TAOK1: variants seen among roughly 807,000 people sequenced by gnomAD.
TAOK1 encodes TAO kinase 1.
TAOK1 carries 21 observed loss-of-function variants against 138.3 expected under a neutral mutation model. The observed-to-expected ratio is 0.15, with a 90% CI of 0.11 to 0.22. TAOK1 has a LOEUF of 0.22. TAOK1 is among the 10% of genes least tolerant of loss of function. The probability of loss-of-function intolerance (pLI) is 1.00; values close to 1 mark genes in which losing one functional copy is unlikely to be tolerated. For missense variants in TAOK1, 651 were observed against 1,227.7 expected (o/e 0.53, Z 7.02); for synonymous variants, 361 against 398.4 (o/e 0.91, Z 1.12).
intron 1 of TAOK1, among the ~76,000 whole-genome samples, chr17:29,434,194 C>A (rs1244663542): frequency 6.6e-6 from 1 of 152,144 alleles, no homozygotes; most frequent in Non-Finnish European, 1.5e-5. Flanking sequence ...GGGTTCCCTT[C>A]CTCTGAGCCC....
chr17:29,406,104 G>C (rs1240983518), intron 1 of TAOK1, among the ~76,000 whole-genome samples: 1 of 152,046 alleles, frequency 6.6e-6, no homozygotes, highest in Non-Finnish European at 1.5e-5. Flanking sequence ...TGACATTTTG[G>C]GTAGGATAAT....
chr17:29,488,802 G>A (rs1224760537), intron 8 of TAOK1, among the ~76,000 whole-genome samples: 2 of 151,842 alleles, frequency 1.3e-5, no homozygotes, highest in Admixed American at 6.6e-5. Context: ...CACAAAATAA[G>A]CAGAAGGTAG....
chr17:29,536,426 C>T (rs1450949116), intron 19 of TAOK1, among the ~76,000 whole-genome samples: 6 of 151,804 alleles, frequency 4.0e-5, no homozygotes, highest in Non-Finnish European at 2.9e-5. Flanking sequence ...GGTGAAACCC[C>T]GTCTCTACTA....
Position 29,390,991 on chromosome 17 carries a change from C to A in TAOK1, c.-128C>A, listed in dbSNP as rs1904404994. The A allele has an allele frequency of 6.6e-6, 1 of 152,390 alleles. No homozygotes were observed. 9.4% of individuals were successfully genotyped at this position (152,390 alleles called of 1,614,324 possible). A position where few individuals can be genotyped will look rare whatever the true frequency, so the allele number is the denominator to read the frequency against. On this transcript the variant is annotated 5_prime_UTR_variant, in exon 1 of 20. The change creates a new upstream start codon in the 5' untranslated region. Coordinates refer to ENST00000261716, the MANE Select transcript of TAOK1 (RefSeq NM_020791.4). ...ACCGGAGCGCTGCAGGGGGCTGCGC[C>A]TGCCTGCTCCGCCCCAGACCTGTCG...
intron 1 of TAOK1, among the ~76,000 whole-genome samples, chr17:29,406,694 CCAA>C (rs139630331): frequency 2.6e-3 from 401 of 152,102 alleles, no homozygotes; most frequent in Middle Eastern, 0.01. Flanking sequence ...ACCCACCCCC[CCAA>C]CTAAGCAGCT....
chr17:29,540,525 C>T (rs1222126219), intron 19 of TAOK1, among the ~76,000 whole-genome samples: 3 of 151,866 alleles, frequency 2.0e-5, no homozygotes, highest in South Asian at 2.1e-4. Context: ...CCACCACTCC[C>T]GGCTAATTTT....
At chr17:29,525,222 C>T (rs1182080200) in intron 17 of TAOK1, among the ~76,000 whole-genome samples, 1 of 152,126 alleles carries the variant, frequency 6.6e-6, no homozygotes, top group African/African-American at 2.4e-5. Context: ...AAGCAATGCT[C>T]CCGCCTCAGC....
intron 2 of TAOK1, among the ~76,000 whole-genome samples, chr17:29,455,293 G>A (rs1034111641): frequency 1.3e-5 from 2 of 150,558 alleles, no homozygotes; most frequent in Non-Finnish European, 2.9e-5. Flanking sequence ...CATTGCTGAT[G>A]TATAGAAACA....
intron 1 of TAOK1, among the ~76,000 whole-genome samples, chr17:29,413,769 C>G (rs1444095689): frequency 2.6e-5 from 4 of 152,128 alleles, no homozygotes; most frequent in African/African-American, 9.7e-5. Context: ...TTCCTCTCTT[C>G]CGTCTCTGAT....
At chr17:29,406,747 T>C (rs1247687334) in intron 1 of TAOK1, among the ~76,000 whole-genome samples, 1 of 152,098 alleles carries the variant, frequency 6.6e-6, no homozygotes, top group Non-Finnish European at 1.5e-5. Context: ...CAGCTAATTT[T>C]TGTAGTGACA....
chr17:29,417,801 G>A (rs1905305319), intron 1 of TAOK1, among the ~76,000 whole-genome samples: 2 of 152,118 alleles, frequency 1.3e-5, no homozygotes, highest in South Asian at 2.1e-4. Flanking sequence ...ACCCAGTTAC[G>A]GCTTTTAAAA....
In TAOK1 at chr17:29,480,364, C is replaced by T. The variant is rs1438048937; in HGVS notation, c.450-4C>T. The T allele has an allele frequency of 1.2e-6, 2 of 1,607,798 alleles. No homozygotes were observed. The highest frequency in any genetic ancestry group is 3.4e-5 in the Admixed American group (2 of 59,674). On this transcript the variant is annotated splice_polypyrimidine_tract_variant and splice_region_variant and intron_variant, in intron 6 of 19. Coordinates refer to ENST00000261716, the MANE Select transcript of TAOK1 (RefSeq NM_020791.4). Reference sequence around the variant, plus strand: ...AAGTAATTTTCTGTATTCCCTAAACCTAGAGATATCAAAGCAGGAAATATC... The same window carrying T: ...AAGTAATTTTCTGTATTCCCTAAACTTAGAGATATCAAAGCAGGAAATATC...
At chr17:29,518,750 C>CTTTTATTTTA (rs11271070) in intron 16 of TAOK1, among the ~76,000 whole-genome samples, 24,465 of 150,380 alleles carry the variant, frequency 0.16, 2,210 homozygotes, top group Non-Finnish European at 0.2. Flanking sequence ...TTTATTTTTA[C>CTTTTATTTTA]TTTATCTATT....
intron 1 of TAOK1, among the ~76,000 whole-genome samples, chr17:29,409,262 A>G (rs1290760215): frequency 3.4e-5 from 5 of 148,654 alleles, no homozygotes; most frequent in Admixed American, 6.8e-5. Context: ...TTTGGCTATT[A>G]TGAATAAGAT....
At chr17:29,459,068 T>C (rs2030469813) in intron 2 of TAOK1, among the ~76,000 whole-genome samples, 1 of 151,900 alleles carries the variant, frequency 6.6e-6, no homozygotes, top group South Asian at 2.1e-4. Context: ...GTTGGCCGGT[T>C]ACTTAAGGAG....
chr17:29,398,847 G>A (rs1904744650), intron 1 of TAOK1, among the ~76,000 whole-genome samples: 1 of 151,960 alleles, frequency 6.6e-6, no homozygotes, highest in South Asian at 2.1e-4. Flanking sequence ...TGTGAAGATA[G>A]TATATACTGG....
chr17:29,433,851 C>T (rs1281733727), intron 1 of TAOK1, among the ~76,000 whole-genome samples: 7 of 152,088 alleles, frequency 4.6e-5, no homozygotes, highest in East Asian at 1.9e-4. Context: ...AGATTAAGGA[C>T]ACGGACGAAG....
At chr17:29,534,704 G>C (rs1481420446) in intron 19 of TAOK1, among the ~76,000 whole-genome samples, 1 of 152,168 alleles carries the variant, frequency 6.6e-6, no homozygotes, top group African/African-American at 2.4e-5. Flanking sequence ...AGGGACAAAG[G>C]ATCAGGAATA....
chr17:29,522,642 G>C, intron 17 of TAOK1, 123 bp downstream of exon 17: 2 of 1,402,220 alleles, frequency 1.4e-6, no homozygotes, highest in Non-Finnish European at 1.9e-6. Context: ...TTCATTTTTA[G>C]CATCTTTGGT....
Sources: allele counts gnomAD v4.1 joint callset (sites outside exome capture counted in the v4.1 genomes callset), GRCh38; gene constraint gnomAD v4.1.1; transcripts MANE v1.5; gene names NCBI Gene and HGNC (gene_info 2026-07-23, HGNC 2026-07-21).